SH3RF3: variants seen among roughly 807,000 people sequenced by gnomAD.
SH3RF3 encodes the protein E3 ubiquitin-protein ligase SH3RF3.
Under a neutral mutation model 66.3 loss-of-function variants are expected in SH3RF3, and 29 were observed. That is an observed-to-expected ratio of 0.44 (90% CI 0.33 to 0.60). The LOEUF is 0.60. Ranked by LOEUF, SH3RF3 falls within the 20% of genes least tolerant of loss-of-function variation. The pLI, the probability that SH3RF3 is intolerant of heterozygous loss-of-function variation, is 0.04. For synonymous variants in SH3RF3, 583 were observed against 532.0 expected (o/e 1.10, Z -1.32); for missense variants, 1,194 against 1,190.9 (o/e 1.00, Z -0.04).
At chr2:109,361,508 C>G (rs1015042178) in intron 2 of SH3RF3, among the ~76,000 whole-genome samples, 6 of 152,174 alleles carry the variant, frequency 3.9e-5, no homozygotes, top group African/African-American at 1.2e-4. Context: ...GAGTCTCGCT[C>G]TGTCACCCAG....
chr2:109,146,738 CT>C (rs1335774621), intron 1 of SH3RF3, among the ~76,000 whole-genome samples: 2 of 151,974 alleles, frequency 1.3e-5, no homozygotes, highest in African/African-American at 4.8e-5. Context: ...ATCTGAGTAT[CT>C]TTTTTTACAA....
intron 1 of SH3RF3, among the ~76,000 whole-genome samples, chr2:109,235,975 CTTTA>C (rs1436132123): frequency 4.6e-5 from 7 of 152,082 alleles, no homozygotes; most frequent in African/African-American, 1.7e-4. Context: ...TGCTCACTGC[CTTTA>C]CTTTAAGAGG....
At position 109,501,753 on chromosome 2, in the gene SH3RF3, G is replaced by T; in HGVS notation, c.*82G>T. On this transcript the variant is annotated 3_prime_UTR_variant, in exon 10 of 10. Transcript: ENST00000309415. ...CGGCACACAGAGAGGGAGCCATGGC[G>T]CCCCAAGGGTTCCAGGTCATCTCCA... The T allele has an allele frequency of 1.5e-6, 1 of 671,954 alleles. No individual in the cohort carries two copies. The highest frequency in any genetic ancestry group is 2.7e-6 in the Non-Finnish European group (1 of 366,252). The allele number at this position is 671,954 out of a possible 1,614,324, so 41.6% of individuals were successfully genotyped here. A position where few individuals can be genotyped will look rare whatever the true frequency, so the allele number is the denominator to read the frequency against.
chr2:109,167,873 G>C (rs1050751170), intron 1 of SH3RF3, among the ~76,000 whole-genome samples: 16 of 152,154 alleles, frequency 1.1e-4, no homozygotes, highest in Non-Finnish European at 1.9e-4. Flanking sequence ...ACCCAGCCTA[G>C]TGTCTGAATT....
intron 8 of SH3RF3, among the ~76,000 whole-genome samples, chr2:109,454,391 T>G (rs1307719863): frequency 6.6e-6 from 1 of 152,144 alleles, no homozygotes; most frequent in Non-Finnish European, 1.5e-5. Flanking sequence ...CTGTCTGGAT[T>G]GGGTGGTTAT....
Position 109,236,124 on chromosome 2 carries a change from A to T in SH3RF3, c.573+106011A>T, listed in dbSNP as rs552221282. Among the ~76,000 whole-genome samples, 48 of 152,288 alleles carry T rather than the reference A, an allele frequency of 3.2e-4. 1 individual carries two copies. Among genetic ancestry groups the T allele is most frequent in the African/African-American group, 1.1e-3 (45 of 41,560 alleles). On this transcript the variant is annotated intron_variant, in intron 1 of 9. Coordinates refer to ENST00000309415, the MANE Select transcript of SH3RF3 (RefSeq NM_001099289.3). ...TATTCACATTTTGAACCTCTCCAAG[A>T]TCAATAGTTTATTTCTGGGGGACAT...
chr2:109,228,199 A>G (rs948611027), intron 1 of SH3RF3, among the ~76,000 whole-genome samples: 1 of 152,170 alleles, frequency 6.6e-6, no homozygotes, highest in African/African-American at 2.4e-5. Context: ...ACTGTCAGAA[A>G]TTCAATCGGC....
chr2:109,251,853 C>A (rs1680099244), intron 1 of SH3RF3, among the ~76,000 whole-genome samples: 1 of 152,098 alleles, frequency 6.6e-6, no homozygotes, highest in African/African-American at 2.4e-5. Context: ...CTTTAAAGTA[C>A]ATAATGAGTT....
At chr2:109,257,073 G>T (rs553576501) in intron 1 of SH3RF3, among the ~76,000 whole-genome samples, 1 of 152,140 alleles carries the variant, frequency 6.6e-6, no homozygotes, top group Non-Finnish European at 1.5e-5. Flanking sequence ...TAGGGGCACC[G>T]TGTATTTCAG....
At chr2:109,248,861 T>C (rs1679985232) in intron 1 of SH3RF3, among the ~76,000 whole-genome samples, 1 of 147,298 alleles carries the variant, frequency 6.8e-6, no homozygotes, top group South Asian at 2.1e-4. Context: ...CTTTTTCCTT[T>C]CCTTTTTCCT....
chr2:109,475,041 G>A (rs141082971), intron 8 of SH3RF3, among the ~76,000 whole-genome samples: 1,981 of 152,138 alleles, frequency 0.013, 49 homozygotes, highest in African/African-American at 0.046. Context: ...GCAGTGGTGC[G>A]ATCTCTGCTC....
At chr2:109,337,541 G>C (rs1006430065) in intron 1 of SH3RF3, among the ~76,000 whole-genome samples, 5 of 152,194 alleles carry the variant, frequency 3.3e-5, no homozygotes, top group African/African-American at 9.6e-5. Context: ...CACCCTCAGC[G>C]TTTCCACCCT....
intron 2 of SH3RF3, among the ~76,000 whole-genome samples, chr2:109,363,540 C>CT (rs1291216394): frequency 1.3e-5 from 2 of 152,092 alleles, no homozygotes; most frequent in African/African-American, 4.8e-5. Flanking sequence ...AGTTTACTGC[C>CT]ATTCCTTCTC....
intron 7 of SH3RF3, among the ~76,000 whole-genome samples, chr2:109,444,898 A>C (rs1045384150): frequency 6.6e-6 from 1 of 152,234 alleles, no homozygotes; most frequent in African/African-American, 2.4e-5. Flanking sequence ...TATGTTTAAG[A>C]TCTAAGAGGA....
intron 1 of SH3RF3, among the ~76,000 whole-genome samples, chr2:109,158,639 T>C (rs924527515): frequency 6.6e-6 from 1 of 152,234 alleles, no homozygotes; most frequent in Non-Finnish European, 1.5e-5. Context: ...TTGAGGGATC[T>C]AAGTCGTGAG....
At chr2:109,422,628 G>A (rs148443168) in intron 5 of SH3RF3, among the ~76,000 whole-genome samples, 339 of 152,182 alleles carry the variant, frequency 2.2e-3, no homozygotes, top group Non-Finnish European at 4.1e-3. Context: ...GGGCTTGTCC[G>A]CCATTCCTCT....
Position 109,129,519 on chromosome 2 carries a change from G to A in SH3RF3, c.-22G>A, listed in dbSNP as rs557176003. On this transcript the variant is annotated 5_prime_UTR_variant, in exon 1 of 10. Coordinates refer to ENST00000309415, the MANE Select transcript of SH3RF3 (RefSeq NM_001099289.3). ...CCCCGGGACCTAGGCAGCCGCGCGA[G>A]ACCGCTGCGGGCGCCTCCCCCATGC... is the stretch of plus-strand genomic sequence containing the variant. 2.3e-5 allele frequency: 34 copies of A among 1,496,384 alleles called. No homozygotes were observed. In the East Asian group the frequency reaches 8.3e-4, roughly 37 times the overall value. 92.7% of individuals were successfully genotyped at this position (1,496,384 alleles called of 1,614,324 possible). A position where few individuals can be genotyped will look rare whatever the true frequency, so the allele number is the denominator to read the frequency against.
chr2:109,293,317 T>C (rs1681230797), intron 1 of SH3RF3, among the ~76,000 whole-genome samples: 3 of 152,208 alleles, frequency 2.0e-5, no homozygotes, highest in African/African-American at 7.2e-5. Flanking sequence ...GGATGACAAC[T>C]TGTAGGACAC....
chr2:109,442,107 T>C (rs1008362817), intron 7 of SH3RF3, among the ~76,000 whole-genome samples: 17 of 151,888 alleles, frequency 1.1e-4, no homozygotes, highest in African/African-American at 3.9e-4. Flanking sequence ...GTCAGGAGAT[T>C]GAGACCATCC....
Sources: gnomAD v4.1 joint callset for allele counts (sites outside exome capture counted in the v4.1 genomes callset) on GRCh38, gnomAD v4.1.1 for gene constraint, MANE v1.5 for transcripts, NCBI Gene and HGNC (gene_info 2026-07-23, HGNC 2026-07-21) for gene names.